Variants in MOB3B observed in about 807,000 individuals in gnomAD.
MOB3B encodes the protein MOB kinase activator 3B.
Under a neutral mutation model 18.7 loss-of-function variants are expected in MOB3B, and 7 were observed. The observed-to-expected ratio is 0.37, with a 90% CI of 0.21 to 0.70. The LOEUF is 0.70. Ranked by LOEUF, MOB3B falls within the 30% of genes least tolerant of loss-of-function variation. MOB3B has a pLI of 0.52. For synonymous variants in MOB3B, 111 were observed against 99.9 expected (o/e 1.11, Z -0.66); for missense variants, 253 against 281.3 (o/e 0.90, Z 0.72).
At chr9:27,515,844 A>G (rs1196995685) in intron 1 of MOB3B, among the ~76,000 whole-genome samples, 1 of 152,178 alleles carries the variant, frequency 6.6e-6, no homozygotes, top group Non-Finnish European at 1.5e-5. Context: ...GTCTCCCCCA[A>G]AAATATACTG....
intron 3 of MOB3B, among the ~76,000 whole-genome samples, chr9:27,354,301 A>C (rs1259916816): frequency 6.6e-6 from 1 of 152,168 alleles, no homozygotes; most frequent in Non-Finnish European, 1.5e-5. Context: ...TTTTCCTAGG[A>C]CATGAGAATT....
intron 1 of MOB3B, chr9:27,524,220 G>T: frequency 2.5e-5 from 18 of 732,846 alleles, no homozygotes; most frequent in Non-Finnish European, 2.7e-5. Context: ...ACTGTGAAAT[G>T]ACGAATGAGA....
At chr9:27,337,147 C>G (rs1176694535) in intron 3 of MOB3B, among the ~76,000 whole-genome samples, 1 of 152,300 alleles carries the variant, frequency 6.6e-6, no homozygotes, top group South Asian at 2.1e-4. Context: ...TCTGGCTGGG[C>G]TGGGGGTGGA....
intron 2 of MOB3B, among the ~76,000 whole-genome samples, chr9:27,379,577 C>T (rs191878582): frequency 3.7e-4 from 56 of 152,216 alleles, no homozygotes; most frequent in Admixed American, 3.1e-3. Flanking sequence ...TTGGAGGAGC[C>T]GGGCTGTGAG....
At chr9:27,514,709 A>T (rs2131503167) in intron 1 of MOB3B, among the ~76,000 whole-genome samples, 1 of 152,314 alleles carries the variant, frequency 6.6e-6, no homozygotes, top group Non-Finnish European at 1.5e-5. Flanking sequence ...TTGGGCCATG[A>T]TGAAGAAATG....
chr9:27,414,517 C>A (rs1010917477), intron 2 of MOB3B, among the ~76,000 whole-genome samples: 19 of 152,238 alleles, frequency 1.2e-4, no homozygotes, highest in African/African-American at 4.3e-4. Flanking sequence ...CTTGCCTGTG[C>A]ACAGCTAATA....
intron 2 of MOB3B, among the ~76,000 whole-genome samples, chr9:27,374,845 G>A (rs1821469750): frequency 6.6e-6 from 1 of 152,344 alleles, no homozygotes; most frequent in Admixed American, 6.5e-5. Context: ...GGAAGATGCT[G>A]TACTCATCTG....
chr9:27,350,235 C>CAAAA (rs34779449), intron 3 of MOB3B, among the ~76,000 whole-genome samples: 1 of 66,858 alleles, frequency 1.5e-5, no homozygotes, highest in Non-Finnish European at 3.4e-5. Flanking sequence ...AAGTATATAC[C>CAAAA]AAAAAAAAAA....
chr9:27,379,649 G>C (rs1821544479), intron 2 of MOB3B, among the ~76,000 whole-genome samples: 1 of 152,102 alleles, frequency 6.6e-6, no homozygotes, highest in African/African-American at 2.4e-5. Flanking sequence ...CTGGTCCAAA[G>C]CCATTCAGTC....
intron 2 of MOB3B, among the ~76,000 whole-genome samples, chr9:27,422,457 T>A (rs1198316895): frequency 6.6e-6 from 1 of 152,234 alleles, no homozygotes; most frequent in East Asian, 1.9e-4. Flanking sequence ...TGATATAGTC[T>A]GACCTAGGTT....
chr9:27,476,082 C>T (rs1162838599), intron 1 of MOB3B, among the ~76,000 whole-genome samples: 1 of 152,188 alleles, frequency 6.6e-6, no homozygotes, highest in Non-Finnish European at 1.5e-5. Flanking sequence ...CCCTGGATAC[C>T]TCTCCTTCCC....
chr9:27,353,336 C>G (rs899854573), intron 3 of MOB3B, among the ~76,000 whole-genome samples: 1 of 152,146 alleles, frequency 6.6e-6, no homozygotes, highest in Non-Finnish European at 1.5e-5. Context: ...GTGCTTGGTA[C>G]TAGGCACTAA....
intron 2 of MOB3B, among the ~76,000 whole-genome samples, chr9:27,380,840 G>A (rs1821568302): frequency 6.6e-6 from 1 of 151,956 alleles, no homozygotes; most frequent in African/African-American, 2.4e-5. Flanking sequence ...AGGGAATTGA[G>A]ACAGCCTAAA....
In MOB3B at chr9:27,346,723, G is replaced by A. The variant is rs546059038; in HGVS notation, c.621+12311C>T. ...AATTATACCATTAGAGGCCGGGTGC[G>A]GTGGCTCATGCCTATAATCCCAGCA... On this transcript the variant is annotated intron_variant, in intron 3 of 3. Coordinates refer to ENST00000262244, the MANE Select transcript of MOB3B (RefSeq NM_024761.5). Among the ~76,000 whole-genome samples, 8 of 152,212 alleles carry A rather than the reference G, an allele frequency of 5.3e-5. No homozygotes were observed. The South Asian group carries it at 1.0e-3, about 20-fold the overall frequency.
chr9:27,368,339 T>TAC (rs1393139061), intron 2 of MOB3B, among the ~76,000 whole-genome samples: 4 of 132,586 alleles, frequency 3.0e-5, no homozygotes, highest in Admixed American at 8.4e-5. Flanking sequence ...TACATATATA[T>TAC]ACACACACAT....
chr9:27,349,005 A>G (rs549807851), intron 3 of MOB3B, among the ~76,000 whole-genome samples: 6 of 152,116 alleles, frequency 3.9e-5, no homozygotes, highest in Non-Finnish European at 7.3e-5. Flanking sequence ...TGGCCCATTC[A>G]AAGAACTCTG....
chr9:27,523,349 T>A (rs1043929458), intron 1 of MOB3B, among the ~76,000 whole-genome samples: 2 of 151,770 alleles, frequency 1.3e-5, no homozygotes, highest in Admixed American at 1.3e-4. Context: ...ACCTCCTCAG[T>A]GCACAACAAA....
intron 1 of MOB3B, among the ~76,000 whole-genome samples, chr9:27,512,309 A>C (rs1263958822): frequency 6.6e-6 from 1 of 152,172 alleles, no homozygotes; most frequent in Non-Finnish European, 1.5e-5. Flanking sequence ...GGAAGTCCTG[A>C]GATTTTTGCA....
At chr9:27,472,057 A>C (rs1819480669) in intron 1 of MOB3B, among the ~76,000 whole-genome samples, 1 of 152,202 alleles carries the variant, frequency 6.6e-6, no homozygotes, top group Admixed American at 6.5e-5. Flanking sequence ...AATAGAAGAA[A>C]CCAAAAATCA....
Sources: allele counts gnomAD v4.1 joint callset (sites outside exome capture counted in the v4.1 genomes callset), GRCh38; gene constraint gnomAD v4.1.1; transcripts MANE v1.5; gene names NCBI Gene and HGNC (gene_info 2026-07-23, HGNC 2026-07-21).